The following ARHGEF33 variants were observed in gnomAD, a reference collection of about 807,000 sequenced individuals.
The protein encoded by ARHGEF33 is Rho guanine nucleotide exchange factor 33.
In ARHGEF33, 72 loss-of-function variants were observed where a neutral mutation model predicts 101.9. The ratio of observed to expected loss-of-function variants is 0.71; its 90% CI spans 0.58 to 0.86. The LOEUF is 0.86. Among genes scored for constraint, ARHGEF33 ranks in the 40% least tolerant of loss-of-function variants. ARHGEF33 has a pLI of 0.00. For synonymous variants in ARHGEF33, 499 were observed against 442.5 expected, an observed-to-expected ratio of 1.13 and a Z score of -1.60; for missense variants, 1,169 against 1,111.3, an observed-to-expected ratio of 1.05 and a Z score of -0.74.
At chr2:38,933,479 G>C (rs1238071862) in intron 7 of ARHGEF33, among the ~76,000 whole-genome samples, 1 of 152,100 alleles carries the variant, frequency 6.6e-6, no homozygotes, top group Non-Finnish European at 1.5e-5. Context: ...CACCTCCTGG[G>C]TTCAAGCAGT....
chr2:38,930,904 A>G (rs756319307), intron 6 of ARHGEF33, among the ~76,000 whole-genome samples: 10 of 152,202 alleles, frequency 6.6e-5, no homozygotes, highest in South Asian at 2.1e-4. Context: ...TAAATATTTG[A>G]AGTTTTTTCT....
intron 16 of ARHGEF33, among the ~76,000 whole-genome samples, chr2:38,961,650 G>A (rs912665009): frequency 6.6e-6 from 1 of 151,998 alleles, no homozygotes; most frequent in Non-Finnish European, 1.5e-5. Context: ...CTTGTACCAG[G>A]CTCTGTGCTA....
rs143692989 is a variant in ARHGEF33, at chr2:38,892,134, A to G, written c.-159+2148A>G. 2.0e-4 allele frequency among the ~76,000 whole-genome samples: 30 copies of G among 152,320 alleles called. 1 individual carries two copies. The highest frequency in any genetic ancestry group is 6.0e-4 in the African/African-American group (25 of 41,570). On this transcript the variant is annotated intron_variant, in intron 1 of 17. Coordinates refer to ENST00000409978, the MANE Select transcript of ARHGEF33 (RefSeq NM_001145451.5). ...AATTTATCCATTTGAGGAAATCTCT[A>G]GAATTTATTTCCTGAGAATGAGGGA... is the stretch of plus-strand genomic sequence containing the variant.
chr2:38,939,820 A>G (rs935818274), intron 9 of ARHGEF33, among the ~76,000 whole-genome samples: 1 of 152,162 alleles, frequency 6.6e-6, no homozygotes, highest in African/African-American at 2.4e-5. Flanking sequence ...CCAGCTGTCA[A>G]TTTTAAACTC....
intron 9 of ARHGEF33, among the ~76,000 whole-genome samples, chr2:38,943,407 G>A (rs2124401593): frequency 6.6e-6 from 1 of 152,304 alleles, no homozygotes; most frequent in Middle Eastern, 3.4e-3. Flanking sequence ...AGCCTTCCCT[G>A]AGTCCCTTTG....
intron 13 of ARHGEF33, among the ~76,000 whole-genome samples, chr2:38,955,322 C>A (rs1470633196): frequency 6.6e-6 from 1 of 152,050 alleles, no homozygotes; most frequent in Non-Finnish European, 1.5e-5. Context: ...GTTCACTAAC[C>A]CCCACCAGAC....
rs574988217 is a variant in ARHGEF33, at chr2:38,914,477, G to C, written c.-85-4886G>C. ...GAAGTCAGGAGTTCAAGACCAGCCT[G>C]GCCAACATGGTGAAACCCATCCCTA... On this transcript the variant is annotated intron_variant, in intron 2 of 17. Coordinates refer to ENST00000409978, the MANE Select transcript of ARHGEF33 (RefSeq NM_001145451.5). Among the ~76,000 whole-genome samples the C allele has an allele frequency of 1.8e-3, 268 of 152,178 alleles. 2 individuals carry two copies. Among genetic ancestry groups the C allele is most frequent in the Non-Finnish European group, 3.0e-3 (205 of 68,004 alleles).
In ARHGEF33 at chr2:38,960,649, G is replaced by C. The variant is rs775691849; in HGVS notation, c.2343+1G>C. 2.1e-6 allele frequency: 3 copies of C among 1,417,588 alleles called. No homozygotes were observed. Among genetic ancestry groups the C allele is most frequent in the Non-Finnish European group, 2.8e-6 (3 of 1,071,572 alleles). 87.8% of individuals were successfully genotyped at this position (1,417,588 alleles called of 1,614,324 possible). A position where few individuals can be genotyped will look rare whatever the true frequency, so the allele number is the denominator to read the frequency against. ...ACAGACCTATTTGGAAGTAAGGAGG[G>C]TAAAGTAAAACCGAACCGAAACCCA... On this transcript the variant is annotated splice_donor_variant, in intron 16 of 17. Transcript: ENST00000409978. LOFTEE classifies it high-confidence loss of function.
At chr2:38,890,835 A>G (rs1665980293) in intron 1 of ARHGEF33, among the ~76,000 whole-genome samples, 1 of 152,186 alleles carries the variant, frequency 6.6e-6, no homozygotes, top group East Asian at 1.9e-4. Context: ...TTTTTGATGC[A>G]CATTTATTCT....
chr2:38,892,704 C>G (rs1465590665), intron 1 of ARHGEF33, among the ~76,000 whole-genome samples: 1 of 152,130 alleles, frequency 6.6e-6, no homozygotes, highest in East Asian at 1.9e-4. Flanking sequence ...TAAAAATTAT[C>G]TTATGACATA....
At chr2:38,918,538 C>T (rs1666685553) in intron 2 of ARHGEF33, among the ~76,000 whole-genome samples, 1 of 152,170 alleles carries the variant, frequency 6.6e-6, no homozygotes, top group Non-Finnish European at 1.5e-5. Context: ...GTATCCACAA[C>T]ACTGACTGTG....
At chr2:38,896,980 A>C (rs1199173739) in intron 2 of ARHGEF33, among the ~76,000 whole-genome samples, 2 of 152,048 alleles carry the variant, frequency 1.3e-5, no homozygotes, top group Non-Finnish European at 2.9e-5. Flanking sequence ...CAGTGGCACG[A>C]TCTTGGCTCA....
chr2:38,942,402 T>C (rs1362172109), intron 9 of ARHGEF33, among the ~76,000 whole-genome samples: 1 of 150,874 alleles, frequency 6.6e-6, no homozygotes, highest in Non-Finnish European at 1.5e-5. Context: ...CCTTCTGATC[T>C]GCCCACCTCG....
intron 2 of ARHGEF33, among the ~76,000 whole-genome samples, chr2:38,906,188 C>CAAA (rs70954773): frequency 1.8e-4 from 12 of 65,988 alleles, no homozygotes; most frequent in Non-Finnish European, 2.8e-4. Flanking sequence ...GACTCTGTCT[C>CAAA]AAAAAAAAAA....
intron 2 of ARHGEF33, among the ~76,000 whole-genome samples, chr2:38,911,704 C>A (rs1014136233): frequency 1.3e-5 from 2 of 152,262 alleles, no homozygotes; most frequent in Middle Eastern, 3.4e-3. Context: ...ACAGCAGAAG[C>A]TGATCTTCAA....
At chr2:38,892,576 C>T (rs1342208246) in intron 1 of ARHGEF33, among the ~76,000 whole-genome samples, 1 of 152,182 alleles carries the variant, frequency 6.6e-6, no homozygotes, top group African/African-American at 2.4e-5. Context: ...TTAGTCAGTG[C>T]ACCCCCAATT....
At chr2:38,899,385 T>C (rs1666194482) in intron 2 of ARHGEF33, among the ~76,000 whole-genome samples, 1 of 152,176 alleles carries the variant, frequency 6.6e-6, no homozygotes. Flanking sequence ...ATGCCATGTT[T>C]ATCCTGAGGC....
At chr2:38,967,505 G>A (rs1014577311) in intron 17 of ARHGEF33, among the ~76,000 whole-genome samples, 16 of 152,234 alleles carry the variant, frequency 1.1e-4, no homozygotes, top group Middle Eastern at 3.4e-3. Flanking sequence ...TTGACCCAGC[G>A]CCAACATCTG....
chr2:38,893,491 A>G (rs969292708), intron 1 of ARHGEF33, among the ~76,000 whole-genome samples: 2 of 152,182 alleles, frequency 1.3e-5, no homozygotes, highest in Non-Finnish European at 2.9e-5. Flanking sequence ...CCGTTTCTAC[A>G]TATCATGCAA....
Sources: gnomAD v4.1 joint callset for allele counts (sites outside exome capture counted in the v4.1 genomes callset) on GRCh38, gnomAD v4.1.1 for gene constraint, MANE v1.5 for transcripts, NCBI Gene and HGNC (gene_info 2026-07-23, HGNC 2026-07-21) for gene names.